Variants in FER1L6 observed in about 807,000 individuals in gnomAD.
The protein encoded by FER1L6 is fer-1 like family member 6, also known as fer-1-like protein 6.
Under a neutral mutation model 219.2 loss-of-function variants are expected in FER1L6, and 177 were observed. The ratio of observed to expected loss-of-function variants is 0.81; its 90% CI spans 0.71 to 0.91. FER1L6 has a LOEUF of 0.91. Ranked by LOEUF, FER1L6 falls within the 40% of genes least tolerant of loss-of-function variation. The pLI is 0.00. For synonymous variants in FER1L6, 768 were observed against 824.3 expected (o/e 0.93, Z 1.17); for missense variants, 2,153 against 2,259.9 (o/e 0.95, Z 0.96).
intron 1 of FER1L6, among the ~76,000 whole-genome samples, chr8:123,927,814 G>C (rs138899458): frequency 5.8e-4 from 89 of 152,224 alleles, no homozygotes; most frequent in African/African-American, 1.9e-3. Flanking sequence ...GAGCTGAATT[G>C]GTTTAGTTTG....
chr8:123,977,668 AT>A (rs1816149712), intron 10 of FER1L6, 59 bp downstream of exon 10: 6 of 1,517,306 alleles, frequency 4.0e-6, no homozygotes, highest in Non-Finnish European at 5.4e-6. Flanking sequence ...TAGAGCCCTC[AT>A]CTTTAAAAGG....
At chr8:124,018,584 G>T (rs1039529655) in intron 16 of FER1L6, among the ~76,000 whole-genome samples, 1 of 152,106 alleles carries the variant, frequency 6.6e-6, no homozygotes, top group South Asian at 2.1e-4. Context: ...TGCTATCTCT[G>T]CAGCTTCCCT....
chr8:124,060,831 C>A, intron 24 of FER1L6, 122 bp downstream of exon 24: 1 of 1,115,778 alleles, frequency 9.0e-7, no homozygotes, highest in Non-Finnish European at 1.3e-6. Context: ...GCCAGAATTT[C>A]AGAATGAGAT....
intron 1 of FER1L6, among the ~76,000 whole-genome samples, chr8:123,881,730 G>A (rs1420441767): frequency 7.9e-5 from 12 of 152,150 alleles, no homozygotes; most frequent in Admixed American, 7.9e-4. Context: ...AGCTGAGTCG[G>A]CCTCGTCTTA....
At chr8:123,943,894 A>C (rs982971207) in intron 1 of FER1L6, among the ~76,000 whole-genome samples, 1 of 152,002 alleles carries the variant, frequency 6.6e-6, no homozygotes, top group African/African-American at 2.4e-5. Flanking sequence ...CTCCGAGGTG[A>C]GGTGTTCTGC....
intron 1 of FER1L6, among the ~76,000 whole-genome samples, chr8:123,908,631 G>T (rs1385554439): frequency 1.3e-5 from 2 of 152,198 alleles, no homozygotes. Flanking sequence ...TTTACTAAGT[G>T]TAAGGATAAC....
At chr8:124,040,992 C>T (rs564610103) in intron 20 of FER1L6, among the ~76,000 whole-genome samples, 3 of 152,186 alleles carry the variant, frequency 2.0e-5, no homozygotes, top group Admixed American at 6.5e-5. Flanking sequence ...TTCTCCCTAT[C>T]CTATACAACT....
intron 11 of FER1L6, 21 bp downstream of exon 11, chr8:123,980,832 A>T (rs186787361): frequency 1.3e-6 from 2 of 1,586,018 alleles, no homozygotes. Context: ...GCACTGCATT[A>T]TGGTACTTTA....
At chr8:124,071,130 G>A (rs1276467643) in intron 30 of FER1L6, among the ~76,000 whole-genome samples, 2 of 152,178 alleles carry the variant, frequency 1.3e-5, no homozygotes, top group African/African-American at 2.4e-5. Flanking sequence ...GGAACAAAGT[G>A]CTTCACTTCC....
At chr8:123,974,843 T>C (rs1201959282) in intron 7 of FER1L6, among the ~76,000 whole-genome samples, 1 of 151,894 alleles carries the variant, frequency 6.6e-6, no homozygotes, top group African/African-American at 2.4e-5. Context: ...GTATGTGACT[T>C]CTACACTTCA....
chr8:123,976,642 C>T (rs1299367542), intron 9 of FER1L6, among the ~76,000 whole-genome samples: 1 of 152,164 alleles, frequency 6.6e-6, no homozygotes, highest in Admixed American at 6.5e-5. Flanking sequence ...GACAGGCATC[C>T]TTCCTCACCC....
chr8:124,110,884 C>A (rs929227846), intron 39 of FER1L6, among the ~76,000 whole-genome samples: 1 of 151,794 alleles, frequency 6.6e-6, no homozygotes, highest in Non-Finnish European at 1.5e-5. Flanking sequence ...GTTATCAGTG[C>A]CCCCCCTCCC....
At chr8:124,070,633 C>A in intron 30 of FER1L6, 35 bp downstream of exon 30, 1 of 1,532,536 alleles carries the variant, frequency 6.5e-7, no homozygotes, top group South Asian at 1.3e-5. Context: ...ATTTGGCTCT[C>A]CCTGTCCATA....
chr8:123,938,543 T>A (rs1163290590), intron 1 of FER1L6, among the ~76,000 whole-genome samples: 13 of 592 alleles, frequency 0.022, no homozygotes, highest in South Asian at 0.083. Flanking sequence ...TACCTGAAAT[T>A]TTTTTTTTTT....
intron 1 of FER1L6, among the ~76,000 whole-genome samples, chr8:123,919,773 G>C (rs1259212368): frequency 2.0e-5 from 3 of 152,146 alleles, no homozygotes; most frequent in Non-Finnish European, 2.9e-5. Context: ...GATGCTCATG[G>C]GGCAAGCGCA....
intron 1 of FER1L6, among the ~76,000 whole-genome samples, chr8:123,938,043 C>T (rs1211838437): frequency 2.0e-5 from 3 of 152,198 alleles, no homozygotes; most frequent in Non-Finnish European, 4.4e-5. Context: ...GAAGTGTTTG[C>T]TTATTACATT....
intron 1 of FER1L6, chr8:123,925,783 C>T (rs1386881120): frequency 6.6e-6 from 1 of 152,196 alleles, no homozygotes. Context: ...TTTGAGTGGT[C>T]CTTCTGAAAA....
chr8:123,975,012 T>G, intron 7 of FER1L6, 138 bp from the exon 8 acceptor site: 1 of 681,718 alleles, frequency 1.5e-6, no homozygotes, highest in Non-Finnish European at 2.3e-6. Context: ...AGCATGAGGT[T>G]TGGAAAAAAC....
chr8:124,090,124 G>A (rs1586321761), intron 33 of FER1L6, among the ~76,000 whole-genome samples: 1 of 152,200 alleles, frequency 6.6e-6, no homozygotes, highest in African/African-American at 2.4e-5. Flanking sequence ...TAATACATAT[G>A]TCACAATGGC....
Sources: gnomAD v4.1 joint callset for allele counts (sites outside exome capture counted in the v4.1 genomes callset) on GRCh38, gnomAD v4.1.1 for gene constraint, MANE v1.5 for transcripts, NCBI Gene and HGNC (gene_info 2026-07-23, HGNC 2026-07-21) for gene names.